FNDC3B: variants seen among roughly 807,000 people sequenced by gnomAD.
The protein encoded by FNDC3B is fibronectin type III domain-containing protein 3B.
FNDC3B carries 12 observed loss-of-function variants against 151.5 expected under a neutral mutation model. The observed-to-expected ratio is 0.08, with a 90% CI of 0.05 to 0.13. FNDC3B has a LOEUF of 0.13. FNDC3B is among the 10% of genes least tolerant of loss of function. The probability of loss-of-function intolerance (pLI) is 1.00; values close to 1 mark genes in which losing one functional copy is unlikely to be tolerated. For synonymous variants in FNDC3B, 528 were observed against 549.0 expected, an observed-to-expected ratio of 0.96 and a Z score of 0.54; for missense variants, 1,214 against 1,505.3, an observed-to-expected ratio of 0.81 and a Z score of 3.20.
chr3:172,054,539 G>T (rs918842766), intron 1 of FNDC3B, among the ~76,000 whole-genome samples: 1 of 152,182 alleles, frequency 6.6e-6, no homozygotes, highest in African/African-American at 2.4e-5. Context: ...AGCCCCCAAG[G>T]CTGTATTGCC....
intron 8 of FNDC3B, among the ~76,000 whole-genome samples, chr3:172,297,516 C>G (rs1730676305): frequency 6.6e-6 from 1 of 152,110 alleles, no homozygotes; most frequent in East Asian, 1.9e-4. Flanking sequence ...GCTCTGTCGC[C>G]CAGGCTGGAG....
intron 16 of FNDC3B, chr3:172,337,827 C>G (rs1387989986): frequency 4.4e-5 from 9 of 205,190 alleles, no homozygotes; most frequent in Non-Finnish European, 2.0e-5. Context: ...ATACATTTTT[C>G]ATAGTGATGG....
chr3:172,134,219 C>T (rs1322579563), intron 3 of FNDC3B: 2 of 392,670 alleles, frequency 5.1e-6, no homozygotes, highest in Non-Finnish European at 1.0e-5. Context: ...TTTATTACAG[C>T]TCCTAGCACA....
chr3:172,179,311 C>T (rs1427021991), intron 3 of FNDC3B, among the ~76,000 whole-genome samples: 3 of 152,234 alleles, frequency 2.0e-5, no homozygotes, highest in African/African-American at 7.2e-5. Flanking sequence ...ATCTGCCCGC[C>T]TTGGCCTCCC....
chr3:172,296,041 CTGCTCTGTGGACTCCCAGG>C (rs1730586185), intron 8 of FNDC3B, among the ~76,000 whole-genome samples: 1 of 152,316 alleles, frequency 6.6e-6, no homozygotes, highest in African/African-American at 2.4e-5. Context: ...TTAGCCCCTT[CTGCTCTGTGGACTCCCAGG>C]TATTGACCAT....
intron 3 of FNDC3B, among the ~76,000 whole-genome samples, chr3:172,152,499 C>T (rs1722277060): frequency 6.6e-6 from 1 of 151,896 alleles, no homozygotes; most frequent in Non-Finnish European, 1.5e-5. Flanking sequence ...CCCTTCATGT[C>T]CTCAACTACT....
At chr3:172,281,215 ATATTTATTTATTTATT>A (rs56357726) in intron 6 of FNDC3B, among the ~76,000 whole-genome samples, 19 of 132,502 alleles carry the variant, frequency 1.4e-4, no homozygotes, top group Admixed American at 3.7e-4. Flanking sequence ...ATTATTATTT[ATATTTATTTATTTATT>A]TATTTATTTA....
chr3:172,131,122 C>T (rs765700274), intron 2 of FNDC3B, among the ~76,000 whole-genome samples: 10 of 152,170 alleles, frequency 6.6e-5, no homozygotes, highest in Non-Finnish European at 8.8e-5. Context: ...TTTGGCCCGG[C>T]GCAGTGGCTC....
chr3:172,257,023 C>T (rs1397051273), intron 6 of FNDC3B, among the ~76,000 whole-genome samples: 1 of 152,010 alleles, frequency 6.6e-6, no homozygotes, highest in African/African-American at 2.4e-5. Context: ...CTCCACCTCC[C>T]AGGTTATAAG....
rs1190387094 is a variant in FNDC3B, at chr3:172,352,170, G to A, written c.2515-633G>A. The stretch of plus-strand genomic sequence containing the variant: ...AGAAGCAGCAGGAGGTAAGGTAGGA[G>A]GAGAAATAAGTGTGGCATCTTGGAG... On this transcript the variant is annotated intron_variant, in intron 21 of 25. Transcript: ENST00000415807. The surrounding 1 kb of genome is among the most constrained non-coding windows in gnomAD (Gnocchi z 4.2). 2.0e-5 allele frequency among the ~76,000 whole-genome samples: 3 copies of A among 152,202 alleles called. No homozygotes were observed. Among genetic ancestry groups the A allele is most frequent in the African/African-American group, 7.2e-5 (3 of 41,440 alleles).
intron 1 of FNDC3B, among the ~76,000 whole-genome samples, chr3:172,047,396 A>G (rs1319863767): frequency 2.0e-5 from 3 of 152,232 alleles, no homozygotes; most frequent in African/African-American, 7.2e-5. Flanking sequence ...GCTAGGATAA[A>G]GTTTGGCTGC....
intron 3 of FNDC3B, among the ~76,000 whole-genome samples, chr3:172,151,841 C>T (rs1425224117): frequency 6.6e-5 from 10 of 152,110 alleles, no homozygotes; most frequent in Admixed American, 5.9e-4. Context: ...AGGGGAAAAA[C>T]GGTTATGCGT....
chr3:172,331,443 C>T (rs1017188159), intron 13 of FNDC3B, among the ~76,000 whole-genome samples: 14 of 152,104 alleles, frequency 9.2e-5, no homozygotes, highest in Non-Finnish European at 1.6e-4. Flanking sequence ...CCTCAAGCTC[C>T]GCCTCCCAAG....
chr3:172,246,773 T>C lies in FNDC3B; in HGVS notation c.265-760T>C, dbSNP rs531586659. On this transcript the variant is annotated intron_variant, in intron 4 of 25. Coordinates refer to ENST00000415807, the MANE Select transcript of FNDC3B (RefSeq NM_022763.4). ...AAATCCCATTTCTAAAAATAAATAA[T>C]GAACAAAGAATTGGAAAAAGAATGG... 2.0e-5 allele frequency among the ~76,000 whole-genome samples: 3 copies of C among 152,256 alleles called. No homozygotes were observed. In the South Asian group the frequency reaches 6.2e-4, roughly 31 times the overall value.
At position 172,397,614 on chromosome 3, in the gene FNDC3B, G is replaced by T. The variant is rs1164569842; in HGVS notation, c.*139G>T. On this transcript the variant is annotated 3_prime_UTR_variant, in exon 26 of 26. Transcript: ENST00000415807. ...AGATTTAGCTAGAAAAAAAATGTCA[G>T]TGTTTTGGTGCACCTTTTTGAAATG... 3 of 453,850 alleles carry T rather than the reference G, an allele frequency of 6.6e-6. No individual in the cohort carries two copies. The East Asian group carries it at 1.1e-4, about 16-fold the overall frequency. The allele number at this position is 453,850 out of a possible 1,614,324, so 28.1% of individuals were successfully genotyped here. A position where few individuals can be genotyped will look rare whatever the true frequency, so the allele number is the denominator to read the frequency against.
intron 1 of FNDC3B, among the ~76,000 whole-genome samples, chr3:172,110,385 G>A (rs957741347): frequency 6.6e-6 from 1 of 152,060 alleles, no homozygotes; most frequent in Non-Finnish European, 1.5e-5. Flanking sequence ...ACCACATGGA[G>A]TATAGACAGC....
At chr3:172,086,412 GCT>G (rs1415111659) in intron 1 of FNDC3B, among the ~76,000 whole-genome samples, 1 of 151,786 alleles carries the variant, frequency 6.6e-6, no homozygotes, top group Non-Finnish European at 1.5e-5. Flanking sequence ...AATGGCATAT[GCT>G]TCCAAGGGTA....
intron 16 of FNDC3B, among the ~76,000 whole-genome samples, chr3:172,339,494 C>A (rs968842348): frequency 6.6e-6 from 1 of 152,048 alleles, no homozygotes; most frequent in Non-Finnish European, 1.5e-5. Context: ...ACCCAGGAGT[C>A]GGAGGTCGCA....
chr3:172,122,336 A>G (rs1423694829), intron 2 of FNDC3B, among the ~76,000 whole-genome samples: 12 of 152,120 alleles, frequency 7.9e-5, no homozygotes, highest in African/African-American at 2.7e-4. Flanking sequence ...CAGCCTGCCA[A>G]GGAGCCAGTT....
Sources: allele counts gnomAD v4.1 joint callset (sites outside exome capture counted in the v4.1 genomes callset), GRCh38; gene constraint gnomAD v4.1.1; non-coding constraint Gnocchi (gnomAD v3.1); transcripts MANE v1.5; gene names NCBI Gene and HGNC (gene_info 2026-07-23, HGNC 2026-07-21).